CEP57L1: variants seen among roughly 807,000 people sequenced by gnomAD.
CEP57L1 encodes the protein centrosomal protein 57 like 1.
Under a neutral mutation model 61.0 loss-of-function variants are expected in CEP57L1, and 37 were observed. That is an observed-to-expected ratio of 0.61 (90% confidence interval 0.47 to 0.80). The LOEUF (loss-of-function observed/expected upper bound fraction) is 0.80. Ranked by LOEUF, CEP57L1 falls within the 30% of genes least tolerant of loss-of-function variation. The pLI, the probability that CEP57L1 is intolerant of heterozygous loss-of-function variation, is 0.00. For missense variants in CEP57L1, 422 were observed against 524.7 expected (o/e 0.80, Z 1.91); for synonymous variants, 137 against 162.3 (o/e 0.84, Z 1.19).
At position 109,167,093 on chromosome 6, in the gene CEP57L1, C is replaced by T. The variant is rs764046618; in HGVS notation, c.*4123C>T. ...AAAAATAATATTGACTGTCACTCAT[C>T]TGAAAATAAATTTACTTCTTGGTAA... On this transcript the variant is annotated 3_prime_UTR_variant, in exon 11 of 11. Transcript: ENST00000517392. Among the ~76,000 whole-genome samples, 13 of 152,200 alleles carry T rather than the reference C, an allele frequency of 8.5e-5. No individual in the cohort carries two copies. The highest frequency in any genetic ancestry group is 1.8e-4 in the Non-Finnish European group (12 of 68,032).
Position 109,172,848 on chromosome 6 carries a change from A to T in CEP57L1, c.*9878A>T, listed in dbSNP as rs1379817249. On this transcript the variant is annotated 3_prime_UTR_variant, in exon 11 of 11. Coordinates refer to ENST00000517392, the MANE Select transcript of CEP57L1 (RefSeq NM_001271852.3). ...GGGCCATGTGTTACTACAACATAGG[A>T]GTTAACTTTGTCTGGAGGCTTTTTC... is the stretch of plus-strand genomic sequence containing the variant. Among the ~76,000 whole-genome samples, 1 of 152,196 alleles carries T rather than the reference A, an allele frequency of 6.6e-6. No individual in the cohort carries two copies. Among genetic ancestry groups the T allele is most frequent in the Non-Finnish European group, 1.5e-5 (1 of 68,040 alleles).
intron 4 of CEP57L1, among the ~76,000 whole-genome samples, chr6:109,153,332 G>C (rs76543588): frequency 0.019 from 2,517 of 135,690 alleles, 83 homozygotes; most frequent in African/African-American, 0.067. Context: ...ACCTTGACTT[G>C]CCAGGCTCAA....
At chr6:109,150,739 A>T (rs1012312192) in intron 4 of CEP57L1, among the ~76,000 whole-genome samples, 2 of 152,084 alleles carry the variant, frequency 1.3e-5, no homozygotes, top group African/African-American at 4.8e-5. Flanking sequence ...AATTAAAGTG[A>T]TAGCTGACTT....
At chr6:109,140,005 A>G (rs571883910) in intron 1 of CEP57L1, among the ~76,000 whole-genome samples, 14 of 152,344 alleles carry the variant, frequency 9.2e-5, no homozygotes, top group African/African-American at 3.4e-4. Context: ...TGGCAGATTC[A>G]GGATTTGAAT....
chr6:109,158,192 T>A (rs1298638853), intron 7 of CEP57L1: 5 of 157,068 alleles, frequency 3.2e-5, no homozygotes, highest in Admixed American at 2.6e-4. Context: ...ATTCATCTGT[T>A]AAAGGATATC....
intron 7 of CEP57L1, 133 bp from the exon 8 acceptor site, chr6:109,158,892 A>C: frequency 1.3e-6 from 1 of 763,460 alleles, no homozygotes; most frequent in South Asian, 1.8e-5. Flanking sequence ...TGTCTATGTC[A>C]GTGAAATTTC....
At chr6:109,098,274 A>G (rs1262629483) in intron 1 of CEP57L1, among the ~76,000 whole-genome samples, 1 of 151,998 alleles carries the variant, frequency 6.6e-6, no homozygotes, top group African/African-American at 2.4e-5. Context: ...CGGCCTCCCA[A>G]GTAGCTGGGA....
At chr6:109,150,310 G>T in intron 4 of CEP57L1, 71 bp downstream of exon 4, 1 of 1,541,548 alleles carries the variant, frequency 6.5e-7, no homozygotes, top group East Asian at 2.3e-5. Context: ...AATTTCACGG[G>T]AAAATTCAAA....
At chr6:109,111,646 A>G (rs563542830) in intron 1 of CEP57L1, among the ~76,000 whole-genome samples, 6 of 152,252 alleles carry the variant, frequency 3.9e-5, no homozygotes, top group African/African-American at 1.4e-4. Context: ...TCAGTATGAT[A>G]TTGGCTGTGG....
intron 1 of CEP57L1, among the ~76,000 whole-genome samples, chr6:109,113,570 ACTT>A (rs1051136413): frequency 2.0e-5 from 3 of 152,162 alleles, no homozygotes; most frequent in Non-Finnish European, 4.4e-5. Context: ...TTTTGTAAAG[ACTT>A]CTTCATTAAA....
intron 4 of CEP57L1, among the ~76,000 whole-genome samples, chr6:109,151,474 C>G (rs929237144): frequency 1.3e-5 from 2 of 152,096 alleles, no homozygotes; most frequent in African/African-American, 4.8e-5. Context: ...TATGCTTCCT[C>G]TTATTCCCCT....
rs139377434 is a variant in CEP57L1 at position 109,171,536 on chromosome 6, C to T, written c.*8566C>T. Among the ~76,000 whole-genome samples the T allele has an allele frequency of 1.2e-4, 19 of 152,134 alleles. No homozygotes were observed. The highest frequency in any genetic ancestry group is 3.9e-4 in the East Asian group (2 of 5,178). Reference sequence around the variant, plus strand: ...CTGGGATTACAGGTGTGAGCCACCGCGCCCTGCCTAGAGTTTGATTCTCTT... The same window carrying T: ...CTGGGATTACAGGTGTGAGCCACCGTGCCCTGCCTAGAGTTTGATTCTCTT... On this transcript the variant is annotated 3_prime_UTR_variant, in exon 11 of 11. Transcript: ENST00000517392.
rs202058958 is a variant in CEP57L1, at chr6:109,153,122, AAAAG to A, written c.463-707_463-704del. 9.0e-4 allele frequency among the ~76,000 whole-genome samples: 136 copies of A among 151,238 alleles called. 3 individuals carry two copies. The East Asian group carries it at 0.026, about 29-fold the overall frequency. The stretch of plus-strand genomic sequence containing the variant: ...AGACTCTGTCTCAAAAAAAAAAAAG[AAAAG>A]AAAAGAAAAGAAAAGTTTTCCATAA... On this transcript the variant is annotated intron_variant, in intron 4 of 10. Coordinates refer to ENST00000517392, the MANE Select transcript of CEP57L1 (RefSeq NM_001271852.3).
intron 1 of CEP57L1, among the ~76,000 whole-genome samples, chr6:109,101,769 G>A (rs950286596): frequency 6.6e-5 from 10 of 152,006 alleles, no homozygotes; most frequent in African/African-American, 2.2e-4. Flanking sequence ...ACAGGCGCCC[G>A]CCACCGCGCC....
chr6:109,123,123 A>G (rs1227819812), intron 1 of CEP57L1, among the ~76,000 whole-genome samples: 1 of 152,202 alleles, frequency 6.6e-6, no homozygotes, highest in South Asian at 2.1e-4. Flanking sequence ...GAAGGACCAC[A>G]CTTAGACTGC....
chr6:109,159,334 C>T lies in CEP57L1; in HGVS notation c.888C>T (p.Leu296=), dbSNP rs1341903433. Residue 296 remains leucine (L), a synonymous_variant, in exon 9 of 11, where the codon CTC becomes CTT. Transcript: ENST00000517392. ...KPFNVTETRC[L]PKPSRTTSWC... Reference sequence around the variant, plus strand: ...TTAACGTGACTGAGACTAGATGTCTCCCCAAGCCTTCTAGAACAACTTCCT... The same window carrying T: ...TTAACGTGACTGAGACTAGATGTCTTCCCAAGCCTTCTAGAACAACTTCCT... 1 of 1,614,086 alleles carries T rather than the reference C, an allele frequency of 6.2e-7. No individual in the cohort carries two copies. Among genetic ancestry groups the T allele is most frequent in the African/African-American group, 1.3e-5 (1 of 75,040 alleles).
At position 109,166,509 on chromosome 6, in the gene CEP57L1, G is replaced by A. The variant is rs535866033; in HGVS notation, c.*3539G>A. 1.3e-5 allele frequency among the ~76,000 whole-genome samples: 2 copies of A among 151,042 alleles called. No homozygotes were observed. Among genetic ancestry groups the A allele is most frequent in the Non-Finnish European group, 2.9e-5 (2 of 67,828 alleles). On this transcript the variant is annotated 3_prime_UTR_variant, in exon 11 of 11. Coordinates refer to ENST00000517392, the MANE Select transcript of CEP57L1 (RefSeq NM_001271852.3). The stretch of plus-strand genomic sequence containing the variant: ...AGCTATTCTCCTGCCTCAGCCTCCC[G>A]AGTAGCTGGAATTACAGGCACCTGC...
At chr6:109,129,947 C>G (rs536604440) in intron 1 of CEP57L1, among the ~76,000 whole-genome samples, 1 of 152,150 alleles carries the variant, frequency 6.6e-6, no homozygotes, top group African/African-American at 2.4e-5. Flanking sequence ...ACTTCTCTTT[C>G]AAAACTGTTC....
At chr6:109,095,850 T>A (rs1458585698) in intron 1 of CEP57L1, among the ~76,000 whole-genome samples, 2 of 152,216 alleles carry the variant, frequency 1.3e-5, no homozygotes. Flanking sequence ...TTCGCGCTGC[T>A]GCCTCTGATT....
Sources: gnomAD v4.1 joint callset for allele counts (sites outside exome capture counted in the v4.1 genomes callset) on GRCh38, gnomAD v4.1.1 for gene constraint, MANE v1.5 for transcripts, NCBI Gene and HGNC (gene_info 2026-07-23, HGNC 2026-07-21) for gene names.